The following GNPAT variants were observed in gnomAD, a reference collection of about 807,000 sequenced individuals.
GNPAT encodes dihydroxyacetone phosphate acyltransferase.
Under a neutral mutation model 78.4 loss-of-function variants are expected in GNPAT, and 30 were observed. That is an observed-to-expected ratio of 0.38 (90% CI 0.29 to 0.52). The LOEUF is 0.52. Among genes scored for constraint, GNPAT ranks in the 20% least tolerant of loss-of-function variants. The probability of loss-of-function intolerance (pLI) is 0.84; values close to 1 mark genes in which losing one functional copy is unlikely to be tolerated. For missense variants in GNPAT, 714 were observed against 812.2 expected (o/e 0.88, Z 1.47); for synonymous variants, 271 against 281.1 (o/e 0.96, Z 0.36).
intron 2 of GNPAT, among the ~76,000 whole-genome samples, chr1:231,257,951 C>G (rs146167684): frequency 1.3e-3 from 197 of 152,262 alleles, no homozygotes; most frequent in African/African-American, 4.5e-3. Context: ...GAACCATCAC[C>G]CTGCCCTGCC....
At chr1:231,257,823 C>G (rs1685107546) in intron 2 of GNPAT, among the ~76,000 whole-genome samples, 1 of 152,236 alleles carries the variant, frequency 6.6e-6, no homozygotes, top group Non-Finnish European at 1.5e-5. Context: ...ACATACACCT[C>G]AGAATCTGTA....
chr1:231,266,992 A>G (rs1685407207), intron 8 of GNPAT, among the ~76,000 whole-genome samples: 1 of 152,234 alleles, frequency 6.6e-6, no homozygotes, highest in Non-Finnish European at 1.5e-5. Flanking sequence ...ACTTATCTGT[A>G]GCTTTAGCAG....
At chr1:231,261,227 G>A (rs547301675) in intron 3 of GNPAT, among the ~76,000 whole-genome samples, 4 of 152,080 alleles carry the variant, frequency 2.6e-5, no homozygotes, top group African/African-American at 7.2e-5. Flanking sequence ...CATGTGTTGC[G>A]CTAGAAATCC....
In GNPAT at chr1:231,276,336, G is replaced by T. The variant is rs570861111; in HGVS notation, c.1999+140G>T. 4.1e-5 allele frequency: 26 copies of T among 639,056 alleles called. No homozygotes were observed. In the East Asian group the frequency reaches 6.8e-4, roughly 17 times the overall value. 39.6% of individuals were successfully genotyped at this position (639,056 alleles called of 1,614,324 possible). On this transcript the variant is annotated intron_variant, in intron 15 of 15. Transcript: ENST00000366647. The stretch of plus-strand genomic sequence containing the variant: ...AACATAAAAGGGAATTACTTATGCA[G>T]TCTGGAATTTTCTCAAGGAAGCTAA...
At chr1:231,254,782 T>A (rs970057493) in intron 2 of GNPAT, among the ~76,000 whole-genome samples, 9 of 150,190 alleles carry the variant, frequency 6.0e-5, no homozygotes, top group Non-Finnish European at 8.9e-5. Context: ...CGACAGAGTC[T>A]CCCTCTGTCT....
rs556819738 is a variant in GNPAT, at chr1:231,266,481, T to G, written c.1055+74T>G. 9 of 1,187,110 alleles carry G rather than the reference T, an allele frequency of 7.6e-6. No homozygotes were observed. In the South Asian group the frequency reaches 1.1e-4, roughly 15 times the overall value. The allele number at this position is 1,187,110 out of a possible 1,614,324, so 73.5% of individuals were successfully genotyped here. The stretch of plus-strand genomic sequence containing the variant: ...AAAGGTGTGAGTTGCAATGCTGGAG[T>G]TGACCACTTCTCTTGATTTACTTAA... On this transcript the variant is annotated intron_variant, in intron 8 of 15. Coordinates refer to ENST00000366647, the MANE Select transcript of GNPAT (RefSeq NM_014236.4).
chr1:231,251,787 T>C (rs1684906361), intron 2 of GNPAT, among the ~76,000 whole-genome samples: 1 of 152,222 alleles, frequency 6.6e-6, no homozygotes, highest in African/African-American at 2.4e-5. Context: ...TTTTCTCTGG[T>C]AGGAGATAGG....
chr1:231,246,286 A>C (rs1012838515), intron 1 of GNPAT, among the ~76,000 whole-genome samples: 1 of 152,250 alleles, frequency 6.6e-6, no homozygotes, highest in Non-Finnish European at 1.5e-5. Context: ...TTAAATGGTT[A>C]AACATTGACC....
intron 9 of GNPAT, chr1:231,269,882 C>T (rs2102822276): frequency 6.6e-6 from 1 of 152,202 alleles, no homozygotes; most frequent in East Asian, 1.9e-4. Flanking sequence ...CATTCCTAAG[C>T]ATGTTCATAT....
Position 231,272,386 on chromosome 1 carries a change from C to T in GNPAT, c.1597C>T (p.Leu533=), listed in dbSNP as rs892490759. ...GTTCATCTTCCTTCCAGGAAACACA[C>T]TAAAGGTAAAGTGCTTACAACAAAG... ...DEFIFLPGNT[L]KDFEEGCYLL... The change falls in exon 11 of 16, where the codon CTA becomes TTA. Residue 533 remains leucine (L), a synonymous_variant. Coordinates refer to ENST00000366647, the MANE Select transcript of GNPAT (RefSeq NM_014236.4). The T allele has an allele frequency of 3.2e-6, 5 of 1,546,648 alleles. No homozygotes were observed. The African/African-American group carries it at 6.8e-5, about 21-fold the overall frequency.
intron 1 of GNPAT, among the ~76,000 whole-genome samples, chr1:231,247,252 A>G (rs2102797994): frequency 6.6e-6 from 1 of 152,222 alleles, no homozygotes; most frequent in Non-Finnish European, 1.5e-5. Flanking sequence ...AGGAGCCATC[A>G]TCGATAGGGT....
rs1685429798 is a variant in GNPAT, at chr1:231,267,687, C to G, written c.1063C>G (p.Pro355Ala). The part of the protein sequence containing the change: ...SSYNLVPRYI[P>A]QKQSEDMHAF... ...CTGTGCTCTTCCTTTTAGATACATTCCTCAGAAACAGTCTGAGGACATGCA... is the reference window on the plus strand; with the variant it reads ...CTGTGCTCTTCCTTTTAGATACATTGCTCAGAAACAGTCTGAGGACATGCA... The change falls in exon 9 of 16, where the codon CCT (proline) becomes GCT (alanine). Residue 355 changes from proline to alanine, a missense_variant. Physicochemically the swap from Pro to Ala is conservative, Grantham distance 27 (BLOSUM62 -1). Coordinates refer to ENST00000366647, the MANE Select transcript of GNPAT (RefSeq NM_014236.4). 1 of 1,564,902 alleles carries G rather than the reference C, an allele frequency of 6.4e-7. No homozygotes were observed. Among genetic ancestry groups the G allele is most frequent in the Non-Finnish European group, 8.8e-7 (1 of 1,135,146 alleles).
At chr1:231,246,248 A>G (rs776475718) in intron 1 of GNPAT, among the ~76,000 whole-genome samples, 6 of 152,214 alleles carry the variant, frequency 3.9e-5, no homozygotes, top group South Asian at 2.1e-4. Context: ...GACAAATGCT[A>G]TAACTCAGAG....
chr1:231,243,785 T>G (rs187749715), intron 1 of GNPAT, among the ~76,000 whole-genome samples: 1 of 152,362 alleles, frequency 6.6e-6, no homozygotes. Context: ...AGATATTTCC[T>G]AAAGAAATTT....
intron 3 of GNPAT, 135 bp from the exon 4 acceptor site, chr1:231,262,588 G>A (rs1305716660): frequency 4.1e-6 from 3 of 724,050 alleles, no homozygotes; most frequent in African/African-American, 1.7e-5. Context: ...AATCGTTTAT[G>A]TGTATGGCAA....
At chr1:231,252,279 T>A (rs908501416) in intron 2 of GNPAT, among the ~76,000 whole-genome samples, 1 of 152,066 alleles carries the variant, frequency 6.6e-6, no homozygotes, top group South Asian at 2.1e-4. Flanking sequence ...TTATGACCAG[T>A]TGGGTGTAGG....
rs191928433 is a variant in GNPAT, at chr1:231,269,577, G to C, written c.1280-1181G>C. On this transcript the variant is annotated intron_variant, in intron 9 of 15. Coordinates refer to ENST00000366647, the MANE Select transcript of GNPAT (RefSeq NM_014236.4). ...GACAAAAATGCCAGTCACCAAGAGA[G>C]AGACAAATCAGACACCTGTTCTCAG... Among the ~76,000 whole-genome samples, 38 of 152,298 alleles carry C rather than the reference G, an allele frequency of 2.5e-4. No individual in the cohort carries two copies. The Middle Eastern group carries it at 0.014, about 55-fold the overall frequency.
chr1:231,249,292 GTC>G (rs1571932808), intron 1 of GNPAT, among the ~76,000 whole-genome samples: 2 of 152,076 alleles, frequency 1.3e-5, no homozygotes, highest in African/African-American at 4.8e-5. Flanking sequence ...CCTTCATATA[GTC>G]TCTCTATATA....
intron 2 of GNPAT, among the ~76,000 whole-genome samples, chr1:231,257,016 T>C (rs1288786054): frequency 6.6e-6 from 1 of 152,176 alleles, no homozygotes; most frequent in Non-Finnish European, 1.5e-5. Flanking sequence ...AGACTATTGC[T>C]CATCTGTTAA....
Sources: allele counts gnomAD v4.1 joint callset (sites outside exome capture counted in the v4.1 genomes callset), GRCh38; gene constraint gnomAD v4.1.1; transcripts MANE v1.5; gene names NCBI Gene and HGNC (gene_info 2026-07-23, HGNC 2026-07-21).